The following SLC27A5 variants were observed in gnomAD, a reference collection of about 807,000 sequenced individuals.
The protein encoded by SLC27A5 is solute carrier family 27 member 5.
SLC27A5 carries 47 observed loss-of-function variants against 63.1 expected under a neutral mutation model. The ratio of observed to expected loss-of-function variants is 0.74; its 90% CI spans 0.59 to 0.95. The LOEUF is 0.95. Among genes scored for constraint, SLC27A5 ranks in the 40% least tolerant of loss-of-function variants. SLC27A5 has a pLI of 0.00. For missense variants in SLC27A5, 940 were observed against 921.0 expected (o/e 1.02, Z -0.27); for synonymous variants, 391 against 403.8 (o/e 0.97, Z 0.38).
intron 3 of SLC27A5, 47 bp downstream of exon 3, chr19:58,509,800 A>G: frequency 6.5e-7 from 1 of 1,545,482 alleles, no homozygotes; most frequent in East Asian, 2.3e-5. Context: ...GCCGACACTT[A>G]CTCCCGTGGT....
rs7245675 is a variant in SLC27A5 at position 58,510,986 on chromosome 19, G to A, written c.689-56C>T. On this transcript the variant is annotated intron_variant, in intron 1 of 9. Coordinates refer to ENST00000263093, the MANE Select transcript of SLC27A5 (RefSeq NM_012254.3). ...GCAAGGCTCACCTTTGAGGTTGCGA[G>A]GCGGGATCTGAGACCCACAGATGCA... The A allele has an allele frequency of 1.5e-4, 218 of 1,428,902 alleles. No individual in the cohort carries two copies. In the African/African-American group the frequency reaches 2.8e-3, roughly 18 times the overall value. 88.5% of individuals were successfully genotyped at this position (1,428,902 alleles called of 1,614,324 possible).
chr19:58,501,829 A>G (rs73066228), intron 3 of SLC27A5, among the ~76,000 whole-genome samples: 23,965 of 152,080 alleles, frequency 0.16, 1,949 homozygotes, highest in Non-Finnish European at 0.16. Context: ...ACCCGCCACC[A>G]CAGCTGGCTA....
chr19:58,499,309 G>A (rs1354103623), intron 7 of SLC27A5, 89 bp from the exon 8 acceptor site: 22 of 1,409,456 alleles, frequency 1.6e-5, no homozygotes, highest in Non-Finnish European at 2.1e-5. Context: ...TTGGGGATCA[G>A]GAGGCCCAGT....
At position 58,498,505 on chromosome 19, in the gene SLC27A5, G is replaced by A. The variant is rs751322138; in HGVS notation, c.*10C>T. The A allele has an allele frequency of 5.0e-6, 8 of 1,604,770 alleles. No homozygotes were observed. The highest frequency in any genetic ancestry group is 2.7e-5 in the African/African-American group (2 of 74,798). ...GCTTTGATCCCTACCCCAGTGGGTT[G>A]GCCAGGTGATCAGAGCCTCCAGGTT... On this transcript the variant is annotated 3_prime_UTR_variant, in exon 10 of 10. Transcript: ENST00000263093.
At chr19:58,499,091 T>C (rs375604806) in intron 8 of SLC27A5, 32 bp downstream of exon 8, 256 of 1,611,760 alleles carry the variant, frequency 1.6e-4, no homozygotes, top group Non-Finnish European at 2.1e-4. Flanking sequence ...CCCACAAAGC[T>C]GTTGGAAGTT....
intron 4 of SLC27A5, 102 bp downstream of exon 4, chr19:58,501,184 A>G: frequency 6.9e-7 from 1 of 1,455,468 alleles, no homozygotes; most frequent in Non-Finnish European, 9.3e-7. Flanking sequence ...GAGGTGTATT[A>G]TCTGAGGGAC....
At chr19:58,506,695 C>T (rs1379221395) in intron 3 of SLC27A5, among the ~76,000 whole-genome samples, 4 of 151,518 alleles carry the variant, frequency 2.6e-5, no homozygotes, top group South Asian at 2.1e-4. Flanking sequence ...TTGCAACCCC[C>T]GCCTCCCAGG....
intron 3 of SLC27A5, among the ~76,000 whole-genome samples, chr19:58,501,858 G>C (rs1370852061): frequency 1.3e-5 from 2 of 152,142 alleles, no homozygotes; most frequent in African/African-American, 2.4e-5. Context: ...ACTTTTTTAA[G>C]TACAGACGGG....
intron 3 of SLC27A5, among the ~76,000 whole-genome samples, chr19:58,506,526 G>A (rs547957227): frequency 2.6e-5 from 4 of 152,132 alleles, no homozygotes; most frequent in Admixed American, 6.5e-5. Flanking sequence ...GTGACAGAGC[G>A]AGACTGTGTC....
At chr19:58,505,738 C>A (rs2053337891) in intron 3 of SLC27A5, among the ~76,000 whole-genome samples, 1 of 150,460 alleles carries the variant, frequency 6.6e-6, no homozygotes, top group South Asian at 2.1e-4. Flanking sequence ...ATCCCAGCTA[C>A]TTGGGATGCT....
At chr19:58,500,270 G>C in intron 6 of SLC27A5, 69 bp downstream of exon 6, 1 of 1,334,722 alleles carries the variant, frequency 7.5e-7, no homozygotes, top group Admixed American at 1.7e-5. Context: ...TGAGCAGCTC[G>C]TTCCAGCCAA....
Position 58,511,719 on chromosome 19 carries a change from C to G in SLC27A5, c.237G>C (p.Arg79=). 6.4e-7 allele frequency: 1 copy of G among 1,557,702 alleles called. No individual in the cohort carries two copies. Among genetic ancestry groups the G allele is most frequent in the Non-Finnish European group, 8.7e-7 (1 of 1,150,292 alleles). ...AALALTLLPA[R]LPPGLRWLPA... ...GCAGCCAGCGTAGTCCTGGGGGCAG[C>G]CGTGCTGGCAGGAGGGTTAGTGCCA... is the stretch of plus-strand genomic sequence containing the variant. Residue 79 remains arginine (R), a synonymous_variant, in exon 1 of 10, where the codon CGG becomes CGC. Coordinates refer to ENST00000263093, the MANE Select transcript of SLC27A5 (RefSeq NM_012254.3).
In SLC27A5 at chr19:58,498,648, C is replaced by T. The variant is rs564295346; in HGVS notation, c.1940G>A (p.Arg647Gln). ...VTSTFKLMKT[R>Q]LVREGFNVGI... The stretch of plus-strand genomic sequence containing the variant: ...CACATTGAAGCCCTCACGCACCAAC[C>T]GGGTCTTCATCAGTTTGAACGTGCT... Residue 647 changes from arginine to glutamine, a missense_variant, in exon 10 of 10, where the codon CGG (arginine) becomes CAG (glutamine). Physicochemically the swap from Arg to Gln is conservative, Grantham distance 43. Transcript: ENST00000263093. 10 of 1,613,996 alleles carry T rather than the reference C, an allele frequency of 6.2e-6. No homozygotes were observed. In the East Asian group the frequency reaches 2.0e-4, roughly 32 times the overall value.
chr19:58,504,574 G>C (rs1251218186), intron 3 of SLC27A5, among the ~76,000 whole-genome samples: 32 of 2,386 alleles, frequency 0.013, no homozygotes, highest in Middle Eastern at 0.083. Context: ...ATTGAACCCT[G>C]GGGGGGGGGG....
Position 58,510,633 on chromosome 19 carries a change from G to A in SLC27A5, c.898+88C>T, listed in dbSNP as rs2053399111. 6 of 1,157,424 alleles carry A rather than the reference G, an allele frequency of 5.2e-6. No individual in the cohort carries two copies. In the Admixed American group the frequency reaches 1.5e-4, roughly 29 times the overall value. 71.7% of individuals were successfully genotyped at this position (1,157,424 alleles called of 1,614,324 possible). On this transcript the variant is annotated intron_variant, in intron 2 of 9. Transcript: ENST00000263093. ...AAAATCAGAGGGTAAAGTGGTTTCA[G>A]AGGTCAACACTGAGTCACAAGTCAA...
chr19:58,501,467 C>G (rs1168923906), intron 3 of SLC27A5, 57 bp from the exon 4 acceptor site: 1 of 1,586,270 alleles, frequency 6.3e-7, no homozygotes, highest in Non-Finnish European at 8.6e-7. Flanking sequence ...TTGTAAGAAG[C>G]TGCTTTTAGC....
chr19:58,511,714 G>T lies in SLC27A5; in HGVS notation c.242C>A (p.Pro81His). 1 of 1,559,996 alleles carries T rather than the reference G, an allele frequency of 6.4e-7. No individual in the cohort carries two copies. Among genetic ancestry groups the T allele is most frequent in the East Asian group, 2.4e-5 (1 of 42,028 alleles). ...LALTLLPARL[P>H]PGLRWLPADV... ...AGCCGGCAGCCAGCGTAGTCCTGGG[G>T]GCAGCCGTGCTGGCAGGAGGGTTAG... Residue 81 changes from proline to histidine, a missense_variant, in exon 1 of 10, where the codon CCC (proline) becomes CAC (histidine). Pro to His is a moderately conservative substitution (Grantham distance 77, BLOSUM62 -2). Coordinates refer to ENST00000263093, the MANE Select transcript of SLC27A5 (RefSeq NM_012254.3).
At chr19:58,506,061 G>GA (rs1303011196) in intron 3 of SLC27A5, among the ~76,000 whole-genome samples, 1 of 151,466 alleles carries the variant, frequency 6.6e-6, no homozygotes, top group Admixed American at 6.6e-5. Context: ...TGAGGCAGGA[G>GA]AATCGCTCAC....
intron 8 of SLC27A5, 89 bp downstream of exon 8, chr19:58,499,034 G>A: frequency 3.8e-6 from 6 of 1,599,100 alleles, no homozygotes; most frequent in Non-Finnish European, 4.3e-6. Flanking sequence ...AACCTCTCTG[G>A]GCCCTAGCAC....
Sources: allele counts gnomAD v4.1 joint callset (sites outside exome capture counted in the v4.1 genomes callset), GRCh38; gene constraint gnomAD v4.1.1; transcripts MANE v1.5; gene names NCBI Gene and HGNC (gene_info 2026-07-23, HGNC 2026-07-21).